The following CACNA1C variants were observed in gnomAD, a reference collection of about 807,000 sequenced individuals.
The protein encoded by CACNA1C is voltage-dependent L-type calcium channel subunit alpha-1C.
CACNA1C carries 30 observed loss-of-function variants against 229.0 expected under a neutral mutation model. The observed-to-expected ratio is 0.13, with a 90% CI of 0.10 to 0.18. CACNA1C has a LOEUF of 0.18. Among genes scored for constraint, CACNA1C ranks in the 10% least tolerant of loss-of-function variants. The pLI, the probability that CACNA1C is intolerant of heterozygous loss-of-function variation, is 1.00. For synonymous variants in CACNA1C, 1,114 were observed against 1,132.5 expected (o/e 0.98, Z 0.33); for missense variants, 1,658 against 2,845.0 (o/e 0.58, Z 9.49).
At position 2,286,220 on chromosome 12, in the gene CACNA1C, A is replaced by G. The variant is rs187455454; in HGVS notation, c.478-162756A>G. Reference sequence around the variant, plus strand: ...ACAAGACTGGCCTGCTTGACCTTCCATTTAGAGTTAATGTCAAAGCTTGCT... The same window carrying G: ...ACAAGACTGGCCTGCTTGACCTTCCGTTTAGAGTTAATGTCAAAGCTTGCT... On this transcript the variant is annotated intron_variant, in intron 3 of 46. Transcript: ENST00000399655. Among the ~76,000 whole-genome samples, 7 of 152,274 alleles carry G rather than the reference A, an allele frequency of 4.6e-5. No homozygotes were observed. In the East Asian group the frequency reaches 9.6e-4, roughly 21 times the overall value.
intron 13 of CACNA1C, among the ~76,000 whole-genome samples, chr12:2,580,335 T>C (rs1418012883): frequency 6.6e-6 from 1 of 152,212 alleles, no homozygotes; most frequent in Non-Finnish European, 1.5e-5. Flanking sequence ...CCTCTGCTTC[T>C]GTCCCTTGGT....
At chr12:2,548,803 C>G (rs1001403166) in intron 9 of CACNA1C, among the ~76,000 whole-genome samples, 1 of 152,162 alleles carries the variant, frequency 6.6e-6, no homozygotes, top group South Asian at 2.1e-4. Flanking sequence ...TTCTTGGGCT[C>G]TGGCAGCCTC....
At chr12:2,415,336 C>T (rs528808120) in intron 3 of CACNA1C, among the ~76,000 whole-genome samples, 14 of 152,274 alleles carry the variant, frequency 9.2e-5, no homozygotes, top group African/African-American at 3.1e-4. Flanking sequence ...TTTCTACCTA[C>T]GTTTCCAAAC....
intron 9 of CACNA1C, among the ~76,000 whole-genome samples, chr12:2,528,589 C>T (rs2099832245): frequency 6.6e-6 from 1 of 152,218 alleles, no homozygotes; most frequent in South Asian, 2.1e-4. Flanking sequence ...GCTTGCCCTA[C>T]CCATCATGCC....
chr12:2,116,309 C>T (rs965854087), intron 2 of CACNA1C, among the ~76,000 whole-genome samples: 4 of 151,858 alleles, frequency 2.6e-5, no homozygotes, highest in East Asian at 1.9e-4. Flanking sequence ...GATGGGCGCT[C>T]GCTGTGGAGT....
chr12:2,486,361 G>A lies in CACNA1C; in HGVS notation c.916+99G>A. The A allele has an allele frequency of 2.1e-6, 2 of 969,608 alleles. No homozygotes were observed. Among genetic ancestry groups the A allele is most frequent in the South Asian group, 3.8e-5 (2 of 53,074 alleles). The allele number at this position is 969,608 out of a possible 1,614,324, so 60.1% of individuals were successfully genotyped here. ...ACACCAACATGACCAGCAGAGCCCA[G>A]GGAAGGCCCCATTCATTCAGACACA... On this transcript the variant is annotated intron_variant, in intron 6 of 46. Coordinates refer to ENST00000399655, the MANE Select transcript of CACNA1C (RefSeq NM_000719.7). The surrounding 1 kb of genome is among the most constrained non-coding windows in gnomAD (Gnocchi z 4.9).
In CACNA1C at chr12:2,677,688, G is replaced by A. The variant is rs930225754; in HGVS notation, c.4957-45G>A. On this transcript the variant is annotated intron_variant, in intron 40 of 46. Coordinates refer to ENST00000399655, the MANE Select transcript of CACNA1C (RefSeq NM_000719.7). This position sits in a 1 kb window ranked among gnomAD's most constrained non-coding sequence, Gnocchi z 7.4. ...AGGCTGTGGCTGGCTGGGGAGCTTG[G>A]AGGAAAGGGAGCGTGGTCCTCACCA... 5.0e-6 allele frequency: 8 copies of A among 1,587,856 alleles called. No individual in the cohort carries two copies. The African/African-American group carries it at 8.1e-5, about 16-fold the overall frequency.
intron 3 of CACNA1C, among the ~76,000 whole-genome samples, chr12:2,314,364 TG>T (rs2095582225): frequency 6.6e-6 from 1 of 152,188 alleles, no homozygotes; most frequent in African/African-American, 2.4e-5. Flanking sequence ...TAAATGTCAT[TG>T]AGGTACAGCA....
chr12:2,479,881 G>A lies in CACNA1C; in HGVS notation c.758-6223G>A, dbSNP rs546253155. ...TATTGGCAGAATCTCACATGGTGCC[G>A]CAGCCCTCTCTTCTGTTGGATTGGG... On this transcript the variant is annotated intron_variant, in intron 5 of 46. Coordinates refer to ENST00000399655, the MANE Select transcript of CACNA1C (RefSeq NM_000719.7). This position sits in a 1 kb window ranked among gnomAD's most constrained non-coding sequence, Gnocchi z 4.3. Among the ~76,000 whole-genome samples the A allele has an allele frequency of 4.6e-5, 7 of 152,232 alleles. No homozygotes were observed. Among genetic ancestry groups the A allele is most frequent in the Non-Finnish European group, 7.4e-5 (5 of 68,022 alleles).
intron 1 of CACNA1C, among the ~76,000 whole-genome samples, chr12:2,030,348 G>A (rs1036272857): frequency 2.0e-5 from 3 of 151,680 alleles, no homozygotes; most frequent in Admixed American, 2.0e-4. Context: ...TTTTACATCA[G>A]TTAAAGGAAC....
intron 1 of CACNA1C, chr12:1,993,082 C>A: frequency 1.2e-6 from 1 of 832,506 alleles, no homozygotes; most frequent in Non-Finnish European, 2.1e-6. Flanking sequence ...TTAAACTCTT[C>A]CAAGGAAGAA....
At chr12:2,457,446 C>A in intron 4 of CACNA1C, 121 bp from the exon 5 acceptor site, 1 of 1,026,300 alleles carries the variant, frequency 9.7e-7, no homozygotes, top group Non-Finnish European at 1.4e-6. Context: ...CCACAACGCC[C>A]GCCCCTGGGC....
chr12:2,526,559 G>A (rs2154581009), intron 9 of CACNA1C, among the ~76,000 whole-genome samples: 1 of 152,348 alleles, frequency 6.6e-6, no homozygotes, highest in Non-Finnish European at 1.5e-5. Flanking sequence ...TTACTGATAA[G>A]GCCATAAACT....
At chr12:2,167,001 C>G in intron 3 of CACNA1C, among the ~76,000 whole-genome samples, 1 of 152,264 alleles carries the variant, frequency 6.6e-6, no homozygotes, top group Non-Finnish European at 1.5e-5. Flanking sequence ...TAGAAAAGGG[C>G]GACCCATGAG....
chr12:1,972,234 C>T (rs2032599792), intron 1 of CACNA1C, among the ~76,000 whole-genome samples: 1 of 152,236 alleles, frequency 6.6e-6, no homozygotes, highest in African/African-American at 2.4e-5. Flanking sequence ...AAACTCCACT[C>T]CTTTCATGAA....
chr12:2,003,183 G>A (rs1005052207), intron 1 of CACNA1C, among the ~76,000 whole-genome samples: 2 of 152,056 alleles, frequency 1.3e-5, no homozygotes, highest in Non-Finnish European at 2.9e-5. Flanking sequence ...ATTTTCAGGT[G>A]AGTTTTTTAC....
chr12:2,435,036 T>C (rs1268529891), intron 3 of CACNA1C, among the ~76,000 whole-genome samples: 4 of 152,186 alleles, frequency 2.6e-5, no homozygotes, highest in Non-Finnish European at 5.9e-5. Flanking sequence ...AGACTCTTCC[T>C]GCGATCCTGG....
intron 3 of CACNA1C, among the ~76,000 whole-genome samples, chr12:2,406,133 A>G (rs950684616): frequency 3.3e-5 from 5 of 152,124 alleles, no homozygotes; most frequent in African/African-American, 1.2e-4. Context: ...TGTCATTTGA[A>G]TTATTTTCCC....
chr12:2,510,765 C>T (rs748060221), intron 8 of CACNA1C, among the ~76,000 whole-genome samples: 1 of 152,188 alleles, frequency 6.6e-6, no homozygotes, highest in Non-Finnish European at 1.5e-5. Context: ...AACTCCAAAC[C>T]CACCCCAGAG....
Sources: allele counts gnomAD v4.1 joint callset (sites outside exome capture counted in the v4.1 genomes callset), GRCh38; gene constraint gnomAD v4.1.1; non-coding constraint Gnocchi (gnomAD v3.1); transcripts MANE v1.5; gene names NCBI Gene and HGNC (gene_info 2026-07-23, HGNC 2026-07-21).